Variants in PKIA observed in about 807,000 individuals in gnomAD.
PKIA encodes PKI-alpha.
A neutral mutation model predicts 7.6 loss-of-function variants in PKIA; 4 were observed. That is an observed-to-expected ratio of 0.52 (90% CI 0.26 to 1.20). The LOEUF (loss-of-function observed/expected upper bound fraction) is 1.20. Among genes scored for constraint, PKIA ranks in the 50% most tolerant of loss-of-function variants. The probability of loss-of-function intolerance (pLI) is 0.13; values close to 1 mark genes in which losing one functional copy is unlikely to be tolerated. For synonymous variants in PKIA, 21 were observed against 30.7 expected (o/e 0.68, Z 1.04); for missense variants, 73 against 86.2 (o/e 0.85, Z 0.61).
At chr8:78,551,109 T>C (rs1806972740) in intron 1 of PKIA, among the ~76,000 whole-genome samples, 1 of 140,214 alleles carries the variant, frequency 7.1e-6, no homozygotes, top group Non-Finnish European at 1.6e-5. Flanking sequence ...AATACTTGAC[T>C]GAATTTTAAA....
At chr8:78,593,226 G>A (rs1232842046) in intron 2 of PKIA, among the ~76,000 whole-genome samples, 1 of 152,094 alleles carries the variant, frequency 6.6e-6, no homozygotes, top group Non-Finnish European at 1.5e-5. Flanking sequence ...GGGTTCAAGC[G>A]ATTCTCCTGC....
At chr8:78,548,356 TTAAA>T (rs1351466568) in intron 1 of PKIA, among the ~76,000 whole-genome samples, 1 of 152,174 alleles carries the variant, frequency 6.6e-6, no homozygotes, top group Non-Finnish European at 1.5e-5. Context: ...CATATGTTAA[TTAAA>T]TAAACTCAAT....
At position 78,598,528 on chromosome 8, in the gene PKIA, C is replaced by T. The variant is rs760698073; in HGVS notation, c.144C>T (p.Asn48=). The T allele has an allele frequency of 6.2e-7, 1 of 1,607,666 alleles. No individual in the cohort carries two copies. Among genetic ancestry groups the T allele is most frequent in the South Asian group, 1.1e-5 (1 of 90,350 alleles). The change falls in exon 3 of 4, where the codon AAC becomes AAT. Residue 48 remains asparagine, a synonymous_variant. Transcript: ENST00000396418. ...TGAAATTAGCAGGTCTTGATATCAACAAGACAGGTAAGTCATCTGGCACAC... is the reference window on the plus strand; with the variant it reads ...TGAAATTAGCAGGTCTTGATATCAATAAGACAGGTAAGTCATCTGGCACAC... ...LALKLAGLDI[N]KTEGEEDAQR...
At chr8:78,548,810 A>G (rs1332199641) in intron 1 of PKIA, among the ~76,000 whole-genome samples, 1 of 152,070 alleles carries the variant, frequency 6.6e-6, no homozygotes, top group Non-Finnish European at 1.5e-5. Context: ...CAGGGGATAT[A>G]GTTCCCACCA....
chr8:78,584,842 C>T (rs1052779606), intron 2 of PKIA, among the ~76,000 whole-genome samples: 4 of 151,964 alleles, frequency 2.6e-5, no homozygotes, highest in Admixed American at 6.6e-5. Context: ...GATCTTTTAA[C>T]GTCTCAGTTC....
chr8:78,593,216 G>A (rs534120498), intron 2 of PKIA, among the ~76,000 whole-genome samples: 13 of 152,210 alleles, frequency 8.5e-5, no homozygotes, highest in African/African-American at 2.2e-4. Flanking sequence ...TCCGCCACCC[G>A]GGTTCAAGCG....
intron 1 of PKIA, among the ~76,000 whole-genome samples, chr8:78,566,519 A>G (rs1309510370): frequency 1.3e-5 from 2 of 152,080 alleles, no homozygotes; most frequent in African/African-American, 4.8e-5. Context: ...TAAAAGTAAT[A>G]CAAATGCCAG....
Position 78,530,585 on chromosome 8 carries a change from A to T in PKIA, c.-157+14117A>T, listed in dbSNP as rs182532622. Among the ~76,000 whole-genome samples the T allele has an allele frequency of 3.4e-4, 51 of 152,068 alleles. 1 individual carries two copies. The East Asian group carries it at 8.7e-3, about 26-fold the overall frequency. Reference sequence around the variant, plus strand: ...CTCCTCTTGAGTATACCATGGCTTCATTTAAAGAGTTGCATTGCTTAAAAA... The same window carrying T: ...CTCCTCTTGAGTATACCATGGCTTCTTTTAAAGAGTTGCATTGCTTAAAAA... On this transcript the variant is annotated intron_variant, in intron 1 of 3. Coordinates refer to ENST00000396418, the MANE Select transcript of PKIA (RefSeq NM_006823.4).
chr8:78,545,873 C>T (rs1050089996), intron 1 of PKIA, among the ~76,000 whole-genome samples: 4 of 152,062 alleles, frequency 2.6e-5, no homozygotes, highest in Non-Finnish European at 5.9e-5. Flanking sequence ...TCATCAGTAC[C>T]GTTTGCCTCA....
intron 2 of PKIA, among the ~76,000 whole-genome samples, chr8:78,580,283 A>AT (rs1807774542): frequency 6.6e-6 from 1 of 152,114 alleles, no homozygotes; most frequent in Non-Finnish European, 1.5e-5. Flanking sequence ...AGGCTTAATT[A>AT]TTTAGCTGAT....
At chr8:78,551,569 C>T (rs1046426198) in intron 1 of PKIA, among the ~76,000 whole-genome samples, 1 of 151,826 alleles carries the variant, frequency 6.6e-6, no homozygotes, top group African/African-American at 2.4e-5. Flanking sequence ...TTAGATGACA[C>T]CCCCAAGAAA....
At chr8:78,539,195 A>G (rs1255257624) in intron 1 of PKIA, among the ~76,000 whole-genome samples, 1 of 152,116 alleles carries the variant, frequency 6.6e-6, no homozygotes, top group Non-Finnish European at 1.5e-5. Flanking sequence ...CATTTGGGCT[A>G]TATCAAAGAT....
At chr8:78,569,343 C>T (rs1393722866) in intron 1 of PKIA, among the ~76,000 whole-genome samples, 1 of 152,110 alleles carries the variant, frequency 6.6e-6, no homozygotes, top group Non-Finnish European at 1.5e-5. Context: ...TATGAGTGGT[C>T]CCATTCTCCT....
chr8:78,553,199 C>T (rs1408544979), intron 1 of PKIA, among the ~76,000 whole-genome samples: 1 of 151,600 alleles, frequency 6.6e-6, no homozygotes, highest in Non-Finnish European at 1.5e-5. Context: ...TGTCTTGCTT[C>T]ATTTAGTAAT....
At chr8:78,572,724 C>T (rs1040576629) in intron 1 of PKIA, 87 bp from the exon 2 acceptor site, 18 of 151,974 alleles carry the variant, frequency 1.2e-4, no homozygotes, top group East Asian at 5.8e-4. Context: ...GTTCAAATGA[C>T]GGATGCTTGA....
At chr8:78,582,547 G>T (rs545102193) in intron 2 of PKIA, among the ~76,000 whole-genome samples, 1 of 152,058 alleles carries the variant, frequency 6.6e-6, no homozygotes, top group East Asian at 1.9e-4. Flanking sequence ...TTCAAGATGT[G>T]ATTTGGGTGG....
At chr8:78,559,041 C>T (rs1807220005) in intron 1 of PKIA, among the ~76,000 whole-genome samples, 1 of 152,164 alleles carries the variant, frequency 6.6e-6, no homozygotes, top group Admixed American at 6.5e-5. Context: ...CCTGCCTCAG[C>T]CTCCCGAGTA....
chr8:78,596,419 T>C (rs1454625488), intron 2 of PKIA, among the ~76,000 whole-genome samples: 1 of 150,652 alleles, frequency 6.6e-6, no homozygotes, highest in East Asian at 1.9e-4. Context: ...TTTGTATTTT[T>C]AGTAGAGACG....
At chr8:78,529,379 A>T (rs1321634045) in intron 1 of PKIA, among the ~76,000 whole-genome samples, 1 of 152,084 alleles carries the variant, frequency 6.6e-6, no homozygotes, top group African/African-American at 2.4e-5. Flanking sequence ...TATAGTATTT[A>T]ATCAGATTTT....
Sources: allele counts gnomAD v4.1 joint callset (sites outside exome capture counted in the v4.1 genomes callset), GRCh38; gene constraint gnomAD v4.1.1; transcripts MANE v1.5; gene names NCBI Gene and HGNC (gene_info 2026-07-23, HGNC 2026-07-21).